MAP4K3: variants seen among roughly 807,000 people sequenced by gnomAD.
MAP4K3 encodes MAPK/ERK kinase kinase kinase 3.
Under a neutral mutation model 143.5 loss-of-function variants are expected in MAP4K3, and 94 were observed. The observed-to-expected ratio is 0.65, with a 90% confidence interval of 0.55 to 0.78. MAP4K3 has a LOEUF of 0.78. Among genes scored for constraint, MAP4K3 ranks in the 30% least tolerant of loss-of-function variants. The pLI is 0.00. For synonymous variants in MAP4K3, 416 were observed against 347.2 expected, an observed-to-expected ratio of 1.20 and a Z score of -2.20; for missense variants, 1,077 against 1,068.1, an observed-to-expected ratio of 1.01 and a Z score of -0.12.
rs781609208 is a variant in MAP4K3, at chr2:39,381,936, C to T, written c.97-3813G>A. Among the ~76,000 whole-genome samples the T allele has an allele frequency of 3.3e-5, 5 of 151,892 alleles. No homozygotes were observed. The South Asian group carries it at 6.2e-4, about 19-fold the overall frequency. Reference sequence around the variant, plus strand: ...GTCTCACACCTTATTTCAGTATACACGTCCCCCACCACATACTCCCATAGG... The same window carrying T: ...GTCTCACACCTTATTTCAGTATACATGTCCCCCACCACATACTCCCATAGG... On this transcript the variant is annotated intron_variant, in intron 1 of 33. Transcript: ENST00000263881.
Position 39,436,907 on chromosome 2 carries a change from G to C in MAP4K3, c.81C>G (p.Tyr27Ter). 6.2e-7 allele frequency: 1 copy of C among 1,611,370 alleles called. No individual in the cohort carries two copies. The highest frequency in any genetic ancestry group is 8.5e-7 in the Non-Finnish European group (1 of 1,179,094). The part of the protein sequence containing the change: ...ELIQRIGSGT[Y>*]GDVYKARNVN... ...CTGCCTTTACCTTGTAGACGTCGCC[G>C]TAGGTGCCGCTGCCGATGCGCTGAA... The change falls in exon 1 of 34, where the codon TAC (tyrosine) becomes TAG (stop). Residue 27 changes from tyrosine to a stop codon, truncating the protein, a stop_gained. Transcript: ENST00000263881. LOFTEE classifies it high-confidence loss of function.
intron 9 of MAP4K3, 31 bp downstream of exon 9, chr2:39,326,115 G>A: frequency 6.2e-7 from 1 of 1,601,190 alleles, no homozygotes; most frequent in Non-Finnish European, 8.5e-7. Flanking sequence ...AAAACCTTAA[G>A]CGTAAGATTC....
chr2:39,314,643 A>C (rs936597210), intron 13 of MAP4K3, among the ~76,000 whole-genome samples: 13 of 152,174 alleles, frequency 8.5e-5, no homozygotes, highest in Admixed American at 3.9e-4. Flanking sequence ...AAAAAAGTTA[A>C]GGCACTATTG....
chr2:39,408,343 T>G (rs573081948), intron 1 of MAP4K3, among the ~76,000 whole-genome samples: 1 of 152,098 alleles, frequency 6.6e-6, no homozygotes, highest in South Asian at 2.1e-4. Flanking sequence ...GCACAATATC[T>G]CTAATTCAGC....
chr2:39,380,888 CAG>C (rs1486389513), intron 1 of MAP4K3, among the ~76,000 whole-genome samples: 5 of 152,130 alleles, frequency 3.3e-5, no homozygotes, highest in African/African-American at 9.7e-5. Flanking sequence ...TTAGTATATT[CAG>C]AGTTATGTAA....
intron 2 of MAP4K3, among the ~76,000 whole-genome samples, chr2:39,365,213 C>T (rs1354121115): frequency 1.3e-5 from 2 of 152,112 alleles, no homozygotes; most frequent in Admixed American, 6.5e-5. Context: ...AGTCTGTTCA[C>T]TAGTCTTAAG....
At chr2:39,360,891 G>A (rs1011785229) in intron 2 of MAP4K3, among the ~76,000 whole-genome samples, 2 of 152,138 alleles carry the variant, frequency 1.3e-5, no homozygotes, top group African/African-American at 4.8e-5. Flanking sequence ...TTATGGGAAT[G>A]ACTCAAAATG....
intron 13 of MAP4K3, among the ~76,000 whole-genome samples, chr2:39,314,940 G>C (rs1242046456): frequency 6.6e-6 from 1 of 152,152 alleles, no homozygotes; most frequent in Non-Finnish European, 1.5e-5. Flanking sequence ...CATGAATGAC[G>C]TGGGAGCTTG....
chr2:39,430,243 C>T (rs894898208), intron 1 of MAP4K3, among the ~76,000 whole-genome samples: 2 of 152,120 alleles, frequency 1.3e-5, no homozygotes, highest in African/African-American at 4.8e-5. Context: ...ATCCTTTATA[C>T]AGAAAGAATT....
chr2:39,418,684 A>G (rs1321111467), intron 1 of MAP4K3, among the ~76,000 whole-genome samples: 3 of 152,184 alleles, frequency 2.0e-5, no homozygotes, highest in African/African-American at 7.2e-5. Context: ...AACAGCATAC[A>G]TACTTCATTC....
chr2:39,425,448 G>C (rs1665039245), intron 1 of MAP4K3, among the ~76,000 whole-genome samples: 1 of 152,166 alleles, frequency 6.6e-6, no homozygotes, highest in Non-Finnish European at 1.5e-5. Context: ...CCCTCAATGT[G>C]GCAGCATCTG....
chr2:39,398,413 C>T (rs150629748), intron 1 of MAP4K3, among the ~76,000 whole-genome samples: 1 of 151,810 alleles, frequency 6.6e-6, no homozygotes, highest in African/African-American at 2.4e-5. Flanking sequence ...TAGCCTTTTG[C>T]ATAAAGTCTA....
chr2:39,252,727 C>T (rs1329185631), intron 32 of MAP4K3, among the ~76,000 whole-genome samples: 4 of 152,208 alleles, frequency 2.6e-5, no homozygotes, highest in Non-Finnish European at 5.9e-5. Flanking sequence ...TAAATTTATT[C>T]CATCAATACC....
rs114553624 is a variant in MAP4K3 at position 39,376,661 on chromosome 2, G to C, written c.154+1405C>G. On this transcript the variant is annotated intron_variant, in intron 2 of 33. Coordinates refer to ENST00000263881, the MANE Select transcript of MAP4K3 (RefSeq NM_003618.4). Reference sequence around the variant, plus strand: ...TAGAATGACAATATAGCTATGGTCAGTGCTACAGCAGAGCTAATCACTCAG... The same window carrying C: ...TAGAATGACAATATAGCTATGGTCACTGCTACAGCAGAGCTAATCACTCAG... Among the ~76,000 whole-genome samples the C allele has an allele frequency of 6.8e-3, 1,043 of 152,314 alleles. 11 individuals are homozygous for C. The highest frequency in any genetic ancestry group is 0.024 in the African/African-American group (996 of 41,560).
intron 1 of MAP4K3, among the ~76,000 whole-genome samples, chr2:39,398,444 C>T (rs1572488436): frequency 2.6e-5 from 4 of 151,680 alleles, no homozygotes; most frequent in African/African-American, 9.7e-5. Flanking sequence ...CAGAAATTAA[C>T]AAAAATTAAT....
chr2:39,405,123 G>A (rs1558337740), intron 1 of MAP4K3, among the ~76,000 whole-genome samples: 2 of 152,250 alleles, frequency 1.3e-5, no homozygotes, highest in South Asian at 4.1e-4. Context: ...GCAAGACCCA[G>A]TGCTGTGCTG....
Position 39,265,284 on chromosome 2 carries a change from A to G in MAP4K3, c.2055T>C (p.His685=), listed in dbSNP as rs766308537. The part of the protein sequence containing the change: ...CCVVRNPYTG[H]KYLCGALQTS... ...TCTGAAGTGCTCCACATAGGTATTTATGGCCCGTGTAAGGATTTCTTACTG... is the reference window on the plus strand; with the variant it reads ...TCTGAAGTGCTCCACATAGGTATTTGTGGCCCGTGTAAGGATTTCTTACTG... The change falls in exon 28 of 34, where the codon CAT becomes CAC. Residue 685 remains histidine (H), a synonymous_variant. Coordinates refer to ENST00000263881, the MANE Select transcript of MAP4K3 (RefSeq NM_003618.4). The G allele has an allele frequency of 3.1e-6, 5 of 1,612,468 alleles. No homozygotes were observed. Among genetic ancestry groups the G allele is most frequent in the African/African-American group, 2.7e-5 (2 of 74,870 alleles).
intron 1 of MAP4K3, among the ~76,000 whole-genome samples, chr2:39,420,810 A>G (rs1312915579): frequency 6.6e-6 from 1 of 152,086 alleles, no homozygotes; most frequent in Non-Finnish European, 1.5e-5. Context: ...TGACACTCCC[A>G]TCATTGAAGA....
intron 1 of MAP4K3, among the ~76,000 whole-genome samples, chr2:39,421,894 A>C (rs1050075517): frequency 3.3e-5 from 5 of 152,004 alleles, no homozygotes; most frequent in East Asian, 1.9e-4. Flanking sequence ...CTTTCATTCT[A>C]TCTCTTCTAA....
Sources: allele counts gnomAD v4.1 joint callset (sites outside exome capture counted in the v4.1 genomes callset), GRCh38; gene constraint gnomAD v4.1.1; transcripts MANE v1.5; gene names NCBI Gene and HGNC (gene_info 2026-07-23, HGNC 2026-07-21).